Variants in EHMT2 observed in about 807,000 individuals in gnomAD.
The protein encoded by EHMT2 is histone-lysine N-methyltransferase EHMT2.
Under a neutral mutation model 143.3 loss-of-function variants are expected in EHMT2, and 59 were observed. The observed-to-expected ratio is 0.41, with a 90% CI of 0.33 to 0.51. EHMT2 has a LOEUF of 0.51. Among genes scored for constraint, EHMT2 ranks in the 20% least tolerant of loss-of-function variants. The pLI is 0.18. For synonymous variants in EHMT2, 604 were observed against 651.5 expected (o/e 0.93, Z 1.11); for missense variants, 1,174 against 1,645.9 (o/e 0.71, Z 4.96).
In EHMT2 at chr6:31,883,037, T is replaced by G; in HGVS notation, c.2995-28A>C. 16 of 1,598,072 alleles carry G rather than the reference T, an allele frequency of 1.0e-5. No homozygotes were observed. The highest frequency in any genetic ancestry group is 1.3e-5 in the Non-Finnish European group (15 of 1,168,122). On this transcript the variant is annotated intron_variant, in intron 23 of 27. Coordinates refer to ENST00000375537, the Ensembl canonical transcript of EHMT2. This position sits in a 1 kb window ranked among gnomAD's most constrained non-coding sequence, Gnocchi z 5.6. The stretch of plus-strand genomic sequence containing the variant: ...AGGGTGCGGAGGGGAGGATAGTGGT[T>G]TCTCTGTGGGGCCCACCTCAGCTGC...
rs766672205 is a variant in EHMT2 at position 31,880,079 on chromosome 6, C to T, written c.*5G>A. The T allele has an allele frequency of 6.8e-6, 11 of 1,611,000 alleles. No individual in the cohort carries two copies. Among genetic ancestry groups the T allele is most frequent in the Admixed American group, 1.7e-5 (1 of 59,938 alleles). ...CATGCTGGGGAGAGAGGGTGTGGTCCGTTCTCATGTGTTGACAGGGGGCAG... is the reference window on the plus strand; with the variant it reads ...CATGCTGGGGAGAGAGGGTGTGGTCTGTTCTCATGTGTTGACAGGGGGCAG... On this transcript the variant is annotated 3_prime_UTR_variant, in exon 28 of 28. Transcript: ENST00000375537. The surrounding 1 kb of genome is among the most constrained non-coding windows in gnomAD (Gnocchi z 6.6).
chr6:31,880,380 A>C lies in EHMT2; in HGVS notation c.3453-116T>G. The C allele has an allele frequency of 8.3e-7, 1 of 1,210,034 alleles. No individual in the cohort carries two copies. Among genetic ancestry groups the C allele is most frequent in the Non-Finnish European group, 1.2e-6 (1 of 868,528 alleles). The allele number at this position is 1,210,034 out of a possible 1,614,324, so 75.0% of individuals were successfully genotyped here. On this transcript the variant is annotated intron_variant, in intron 27 of 27. Coordinates refer to ENST00000375537, the Ensembl canonical transcript of EHMT2. This position sits in a 1 kb window ranked among gnomAD's most constrained non-coding sequence, Gnocchi z 6.6. ...ACCCGACACCCAACCTATCTTCTCC[A>C]GATGGGATCTGAGCCCCTTGTATGT...
At chr6:31,895,090 G>C (rs1766208759) in intron 4 of EHMT2, among the ~76,000 whole-genome samples, 1 of 152,212 alleles carries the variant, frequency 6.6e-6, no homozygotes, top group Non-Finnish European at 1.5e-5. Flanking sequence ...AGTGAGAAAG[G>C]AAAGGTAGCT....
At chr6:31,895,157 A>C (rs1355066461) in intron 4 of EHMT2, among the ~76,000 whole-genome samples, 3 of 152,246 alleles carry the variant, frequency 2.0e-5, no homozygotes, top group Non-Finnish European at 4.4e-5. Flanking sequence ...GCGAGAAGTC[A>C]GCATGGAACG....
At position 31,881,108 on chromosome 6, in the gene EHMT2, C is replaced by T. The variant is rs993558646; in HGVS notation, c.3198-16G>A. The T allele has an allele frequency of 6.2e-7, 1 of 1,610,904 alleles. No homozygotes were observed. Among genetic ancestry groups the T allele is most frequent in the South Asian group, 1.1e-5 (1 of 91,038 alleles). ...CCCGACATACCTGTGGGACAGGAATCCATGGTTCTGAAGGTGAGTGTGGGC... is the reference window on the plus strand; with the variant it reads ...CCCGACATACCTGTGGGACAGGAATTCATGGTTCTGAAGGTGAGTGTGGGC... On this transcript the variant is annotated splice_polypyrimidine_tract_variant and intron_variant, in intron 25 of 27. Coordinates refer to ENST00000375537, the Ensembl canonical transcript of EHMT2. The surrounding 1 kb of genome is among the most constrained non-coding windows in gnomAD (Gnocchi z 4.8).
rs1224295322 is a variant in EHMT2, at chr6:31,889,695, T to C, written c.865-93A>G. The C allele has an allele frequency of 2.0e-6, 3 of 1,490,174 alleles. No individual in the cohort carries two copies. Among genetic ancestry groups the C allele is most frequent in the Non-Finnish European group, 2.8e-6 (3 of 1,086,702 alleles). 92.3% of individuals were successfully genotyped at this position (1,490,174 alleles called of 1,614,324 possible). A position where few individuals can be genotyped will look rare whatever the true frequency, so the allele number is the denominator to read the frequency against. On this transcript the variant is annotated intron_variant, in intron 7 of 27. Transcript: ENST00000375537. This position sits in a 1 kb window ranked among gnomAD's most constrained non-coding sequence, Gnocchi z 5.1. ...CACCACCACCATTGCCCCCCGCCAC[T>C]ACCCACGGATGGCTGCTGGGGATAA...
Position 31,880,904 on chromosome 6 carries a change from AC to A in EHMT2, c.3277-57del. On this transcript the variant is annotated intron_variant, in intron 26 of 27. Coordinates refer to ENST00000375537, the Ensembl canonical transcript of EHMT2. This position sits in a 1 kb window ranked among gnomAD's most constrained non-coding sequence, Gnocchi z 6.6. ...TCCCCCGACCCTGCTTGCCCTCCCC[AC>A]CCACTGACTCCCCAGTCCCTCCTCC... 6.2e-7 allele frequency: 1 copy of A among 1,605,610 alleles called. No individual in the cohort carries two copies. The highest frequency in any genetic ancestry group is 8.5e-7 in the Non-Finnish European group (1 of 1,175,024).
chr6:31,892,637 T>A (rs1378288150), intron 6 of EHMT2, 57 bp downstream of exon 6: 15 of 1,612,718 alleles, frequency 9.3e-6, no homozygotes, highest in African/African-American at 4.0e-5. Context: ...CAGCCCCACC[T>A]CTGACCCTCC....
In EHMT2 at chr6:31,884,902, G is replaced by A. The variant is rs1474158644; in HGVS notation, c.2448+10C>T. The A allele has an allele frequency of 4.4e-6, 7 of 1,596,194 alleles. No homozygotes were observed. The highest frequency in any genetic ancestry group is 1.1e-5 in the South Asian group (1 of 90,408). ...TGGGGCTGCCCTACCTCAACCAAAC[G>A]CTCACTCACGTTGTCAGTGAGGGTG... On this transcript the variant is annotated intron_variant, in intron 19 of 27. Coordinates refer to ENST00000375537, the Ensembl canonical transcript of EHMT2. The surrounding 1 kb of genome is among the most constrained non-coding windows in gnomAD (Gnocchi z 7.3).
At chr6:31,891,466 G>T (rs1482502646) in intron 7 of EHMT2, among the ~76,000 whole-genome samples, 1 of 152,222 alleles carries the variant, frequency 6.6e-6, no homozygotes. Context: ...TAGGTAAAAT[G>T]ATATGAGGTC....
rs1763889638 is a variant in EHMT2, at chr6:31,880,022, G to C, written c.*62C>G. On this transcript the variant is annotated 3_prime_UTR_variant, in exon 28 of 28. Coordinates refer to ENST00000375537, the Ensembl canonical transcript of EHMT2. This position sits in a 1 kb window ranked among gnomAD's most constrained non-coding sequence, Gnocchi z 6.6. ...CCCAGGCATGGGCTGCGAGCAGCTGGTGGCAGAGGAGGCGGCTGAGCTGTG... is the reference window on the plus strand; with the variant it reads ...CCCAGGCATGGGCTGCGAGCAGCTGCTGGCAGAGGAGGCGGCTGAGCTGTG... The C allele has an allele frequency of 5.1e-6, 8 of 1,566,362 alleles. No individual in the cohort carries two copies. Among genetic ancestry groups the C allele is most frequent in the Middle Eastern group, 2.2e-4 (1 of 4,518 alleles).
chr6:31,882,080 G>A (rs1764172675), intron 25 of EHMT2, among the ~76,000 whole-genome samples: 1 of 150,222 alleles, frequency 6.7e-6, no homozygotes, highest in African/African-American at 2.5e-5. Context: ...ACTCCAGCTT[G>A]GGCAACAAGA....
At chr6:31,891,923 G>A (rs1010639247) in intron 7 of EHMT2, among the ~76,000 whole-genome samples, 71 of 152,208 alleles carry the variant, frequency 4.7e-4, no homozygotes, top group African/African-American at 1.7e-3. Flanking sequence ...CACCTTTGTG[G>A]ATGAAACGGG....
In EHMT2 at chr6:31,883,154, A is replaced by G. The variant is rs1764334025; in HGVS notation, c.2995-145T>C. ...GAGATCCGAGAGCACGAAATGCAGG[A>G]GCATCATCCCTGGTTTGCATAGACC... On this transcript the variant is annotated intron_variant, in intron 23 of 27. Transcript: ENST00000375537. This position sits in a 1 kb window ranked among gnomAD's most constrained non-coding sequence, Gnocchi z 5.6. 3 of 859,342 alleles carry G rather than the reference A, an allele frequency of 3.5e-6. No individual in the cohort carries two copies. Among genetic ancestry groups the G allele is most frequent in the Non-Finnish European group, 3.7e-6 (2 of 534,784 alleles). 53.2% of individuals were successfully genotyped at this position (859,342 alleles called of 1,614,324 possible).
chr6:31,896,963 C>T (rs1012258734), exon 2 of EHMT2: 4 of 1,587,068 alleles, frequency 2.5e-6, no homozygotes, highest in South Asian at 1.1e-5. Context: ...CCAGCAGCAG[C>T]GCCCCCATCT....
In EHMT2 at chr6:31,886,441, AAATGAGGAAGAAGAAAGC is replaced by A. The variant is rs1339224393; in HGVS notation, c.2343+122_2343+139del. 11 of 657,496 alleles carry A rather than the reference AAATGAGGAAGAAGAAAGC, an allele frequency of 1.7e-5. No individual in the cohort carries two copies. The African/African-American group carries it at 2.0e-4, about 12-fold the overall frequency. 40.7% of individuals were successfully genotyped at this position (657,496 alleles called of 1,614,324 possible). ...GAAAGAAAAGAATGAAGAGAAATAC[AAATGAGGAAGAAGAAAGC>A]AATGAGGACAGACACGAGCAGTGTG... On this transcript the variant is annotated intron_variant, in intron 18 of 27. Transcript: ENST00000375537.
Position 31,884,001 on chromosome 6 carries a change from G to A in EHMT2, c.2772-51C>T. On this transcript the variant is annotated intron_variant, in intron 21 of 27. Coordinates refer to ENST00000375537, the Ensembl canonical transcript of EHMT2. This position sits in a 1 kb window ranked among gnomAD's most constrained non-coding sequence, Gnocchi z 7.3. The stretch of plus-strand genomic sequence containing the variant: ...GGGAAGCTGGAAAAGGGGGTGAGGA[G>A]CTACTCCAGGTATAAGGAAGAGAGT... The A allele has an allele frequency of 1.3e-6, 2 of 1,597,200 alleles. No homozygotes were observed. The highest frequency in any genetic ancestry group is 1.7e-6 in the Non-Finnish European group (2 of 1,170,580).
Position 31,880,574 on chromosome 6 carries a change from C to T in EHMT2, c.3452+99G>A, listed in dbSNP as rs1763972936. ...CTGAAATCTGAGAAGCTCTGCACTA[C>T]TCCATGCCTGGACACCAGGTACATG... On this transcript the variant is annotated intron_variant, in intron 27 of 27. Coordinates refer to ENST00000375537, the Ensembl canonical transcript of EHMT2. The surrounding 1 kb of genome is among the most constrained non-coding windows in gnomAD (Gnocchi z 6.6). The T allele has an allele frequency of 2.3e-6, 3 of 1,316,978 alleles. No homozygotes were observed. Among genetic ancestry groups the T allele is most frequent in the Non-Finnish European group, 3.2e-6 (3 of 935,740 alleles). The allele number at this position is 1,316,978 out of a possible 1,614,324, so 81.6% of individuals were successfully genotyped here. A position where few individuals can be genotyped will look rare whatever the true frequency, so the allele number is the denominator to read the frequency against.
In EHMT2 at chr6:31,888,395, AGTG is replaced by A; in HGVS notation, c.1474_1476del (p.His492del). On this transcript the variant is annotated inframe_deletion, in exon 12 of 28. Transcript: ENST00000375537. This position sits in a 1 kb window ranked among gnomAD's most constrained non-coding sequence, Gnocchi z 7.4. ...CAGAAGTAGCCGCAGCCCGGGCAGC[AGTG>A]GTGTTTGACCATGCGGGCGCGGTGG... 1.2e-6 allele frequency: 2 copies of A among 1,612,902 alleles called. No individual in the cohort carries two copies. Among genetic ancestry groups the A allele is most frequent in the Non-Finnish European group, 8.5e-7 (1 of 1,179,936 alleles).
Sources: gnomAD v4.1 joint callset for allele counts (sites outside exome capture counted in the v4.1 genomes callset) on GRCh38, gnomAD v4.1.1 for gene constraint, Gnocchi (gnomAD v3.1) non-coding constraint, MANE v1.5 for transcripts, NCBI Gene and HGNC (gene_info 2026-07-23, HGNC 2026-07-21) for gene names.